HEMK2: variants seen among roughly 807,000 people sequenced by gnomAD.
HEMK2 encodes the protein methyltransferase HEMK2.
the HEMK2 span, among the ~76,000 whole-genome samples, chr21:28,788,210 G>A: frequency 6.2e-4 from 70 of 112,458 alleles, no homozygotes; most frequent in African/African-American, 2.2e-3. Flanking sequence ...GTATATATAC[G>A]TATATATGTA....
the HEMK2 span, among the ~76,000 whole-genome samples, chr21:28,678,031 C>G: frequency 6.6e-6 from 1 of 152,168 alleles, no homozygotes; most frequent in African/African-American, 2.4e-5. Flanking sequence ...AGCAATGGAA[C>G]AAAGCTGGAT....
At chr21:28,825,985 G>A in the HEMK2 span, among the ~76,000 whole-genome samples, 2 of 152,248 alleles carry the variant, frequency 1.3e-5, no homozygotes, top group African/African-American at 4.8e-5. Flanking sequence ...CAGAGAGCCA[G>A]GATGCTCATT....
chr21:28,761,086 A>T, the HEMK2 span, among the ~76,000 whole-genome samples: 16,873 of 152,082 alleles, frequency 0.11, 1,514 homozygotes, highest in African/African-American at 0.23. Context: ...TTTATGGCCC[A>T]GTATATGATT....
chr21:28,722,348 AAG>A, the HEMK2 span, among the ~76,000 whole-genome samples: 1 of 152,210 alleles, frequency 6.6e-6, no homozygotes, highest in Non-Finnish European at 1.5e-5. Context: ...TAGGTAAATG[AAG>A]AACCAAGCCA....
chr21:28,876,000 A>AC, the HEMK2 span: 2 of 156,504 alleles, frequency 1.3e-5, no homozygotes, highest in African/African-American at 4.8e-5. Context: ...ATTATGACAT[A>AC]GAGTTGGAGA....
At chr21:28,864,923 T>TAGATAGATAGATAGATAGATAGACAGAC in the HEMK2 span, among the ~76,000 whole-genome samples, 2 of 123,742 alleles carry the variant, frequency 1.6e-5, no homozygotes, top group African/African-American at 5.6e-5. Context: ...TATAGATAGA[T>TAGATAGATAGATAGATAGATAGACAGAC]AGACAGACAG....
chr21:28,680,853 C>A, the HEMK2 span, among the ~76,000 whole-genome samples: 9 of 152,232 alleles, frequency 5.9e-5, no homozygotes, highest in East Asian at 1.9e-4. Context: ...ATTCAACAAC[C>A]CTTCATGCTA....
chr21:28,609,811 A>C, the HEMK2 span, among the ~76,000 whole-genome samples: 2 of 152,180 alleles, frequency 1.3e-5, no homozygotes, highest in African/African-American at 4.8e-5. Flanking sequence ...GAGAAGAAAG[A>C]ATTTCAGAGC....
the HEMK2 span, among the ~76,000 whole-genome samples, chr21:28,747,314 G>A: frequency 3.3e-5 from 5 of 152,318 alleles, no homozygotes; most frequent in East Asian, 5.8e-4. Flanking sequence ...CCAGCTATTG[G>A]ACCTCATGGA....
chr21:28,763,209 A>G, the HEMK2 span, among the ~76,000 whole-genome samples: 2 of 152,178 alleles, frequency 1.3e-5, no homozygotes, highest in African/African-American at 4.8e-5. Flanking sequence ...GTTTTGCTAT[A>G]AAGAAATACC....
At chr21:28,725,871 T>C in the HEMK2 span, among the ~76,000 whole-genome samples, 1 of 152,214 alleles carries the variant, frequency 6.6e-6, no homozygotes, top group Non-Finnish European at 1.5e-5. Context: ...TTTAAGTAGT[T>C]GCTAAAAGTG....
the HEMK2 span, among the ~76,000 whole-genome samples, chr21:28,841,308 A>T: frequency 0.19 from 1,470 of 7,666 alleles, 245 homozygotes; most frequent in East Asian, 0.69. Context: ...TATTATATAT[A>T]ATATATAATA....
chr21:28,831,473 A>G, the HEMK2 span, among the ~76,000 whole-genome samples: 31 of 42,058 alleles, frequency 7.4e-4, no homozygotes, highest in Non-Finnish European at 1.1e-3. Flanking sequence ...GAAAGAAAGA[A>G]AGAAAGAAAG....
At chr21:28,785,214 G>A in the HEMK2 span, among the ~76,000 whole-genome samples, 4 of 152,172 alleles carry the variant, frequency 2.6e-5, no homozygotes, top group African/African-American at 9.7e-5. Flanking sequence ...CTCACCGCAA[G>A]GGTCCGCGGC....
chr21:28,623,338 A>T, the HEMK2 span, among the ~76,000 whole-genome samples: 1 of 152,196 alleles, frequency 6.6e-6, no homozygotes, highest in East Asian at 1.9e-4. Context: ...GAAACAACAG[A>T]TGCTGGAGAG....
the HEMK2 span, among the ~76,000 whole-genome samples, chr21:28,609,190 T>C: frequency 1.3e-5 from 2 of 152,134 alleles, no homozygotes; most frequent in Non-Finnish European, 2.9e-5. Context: ...CTAGTATCCA[T>C]GACTAGGAGA....
At chr21:28,792,998 C>A in the HEMK2 span, among the ~76,000 whole-genome samples, 2 of 152,168 alleles carry the variant, frequency 1.3e-5, no homozygotes, top group East Asian at 3.8e-4. Context: ...TTTATAATTA[C>A]CACCTTAGCC....
At chr21:28,642,516 T>C in the HEMK2 span, among the ~76,000 whole-genome samples, 5 of 152,208 alleles carry the variant, frequency 3.3e-5, no homozygotes, top group African/African-American at 1.2e-4. Context: ...TCTCTGGGGA[T>C]GGCCAAGTAC....
chr21:28,701,048 C>T, the HEMK2 span, among the ~76,000 whole-genome samples: 170 of 152,166 alleles, frequency 1.1e-3, 2 homozygotes, highest in Non-Finnish European at 2.5e-4. Context: ...AAACAAAAAC[C>T]ATATGATTAT....
Sources: allele counts gnomAD v4.1 joint callset (sites outside exome capture counted in the v4.1 genomes callset), GRCh38; gene constraint gnomAD v4.1.1; transcripts MANE v1.5; gene names NCBI Gene and HGNC (gene_info 2026-07-23, HGNC 2026-07-21).